Variants in AEN observed in about 807,000 individuals in gnomAD.
AEN encodes apoptosis enhancing nuclease, also known as apoptosis-enhancing nuclease.
Under a neutral mutation model 17.7 loss-of-function variants are expected in AEN, and 21 were observed. That is an observed-to-expected ratio of 1.19 (90% CI 0.84 to 1.71). The LOEUF is 1.71. Ranked by LOEUF, AEN falls within the 40% of genes most tolerant of loss-of-function variation. AEN has a pLI of 0.00. For missense variants in AEN, 462 were observed against 435.9 expected (o/e 1.06, Z -0.53); for synonymous variants, 190 against 173.0 (o/e 1.10, Z -0.77).
Position 88,632,237 on chromosome 15 carries a change from G to A in AEN, c.*1943G>A, listed in dbSNP as rs1330019686. Reference sequence around the variant, plus strand: ...AAATGTACTATTTAAGATCAGCTTTGTTGTAAAACCATTTGTTCTAGAATA... The same window carrying A: ...AAATGTACTATTTAAGATCAGCTTTATTGTAAAACCATTTGTTCTAGAATA... On this transcript the variant is annotated 3_prime_UTR_variant, in exon 4 of 4. Transcript: ENST00000332810. The A allele has an allele frequency of 6.6e-6, 1 of 151,908 alleles. No homozygotes were observed. Among genetic ancestry groups the A allele is most frequent in the Non-Finnish European group, 1.5e-5 (1 of 68,032 alleles). The allele number at this position is 151,908 out of a possible 1,614,324, so 9.4% of individuals were successfully genotyped here. A position where few individuals can be genotyped will look rare whatever the true frequency, so the allele number is the denominator to read the frequency against.
chr15:88,608,039 A>T, the AEN span: 4 of 481,916 alleles, frequency 8.3e-6, no homozygotes, highest in Admixed American at 4.2e-5. Context: ...TTTAATTATT[A>T]TTCACTTTCT....
chr15:88,624,029 C>G (rs2057819895), intron 1 of AEN, among the ~76,000 whole-genome samples: 2 of 152,258 alleles, frequency 1.3e-5, no homozygotes, highest in Admixed American at 1.3e-4. Flanking sequence ...TACATGCACA[C>G]AGATGTAGCC....
chr15:88,612,496 C>G, the AEN span, among the ~76,000 whole-genome samples: 1 of 152,158 alleles, frequency 6.6e-6, no homozygotes, highest in African/African-American at 2.4e-5. Context: ...GAAAAAAGCC[C>G]AGTGCTTGGG....
At chr15:88,615,617 G>A in the AEN span, among the ~76,000 whole-genome samples, 270 of 152,182 alleles carry the variant, frequency 1.8e-3, 1 homozygote, top group African/African-American at 6.1e-3. Flanking sequence ...AAAATGCTGG[G>A]CCCCACCCCC....
rs2057934515 is a variant in AEN at position 88,631,944 on chromosome 15, AGACACTGCT to A, written c.*1653_*1661del. On this transcript the variant is annotated 3_prime_UTR_variant, in exon 4 of 4. Transcript: ENST00000332810. The stretch of plus-strand genomic sequence containing the variant: ...AGCAGCGCAGGGGTCAGGGAGGTAC[AGACACTGCT>A]GAAATCACACTACCCCACCCTCAGC... 1 of 152,314 alleles carries A rather than the reference AGACACTGCT, an allele frequency of 6.6e-6. No homozygotes were observed. Among genetic ancestry groups the A allele is most frequent in the Non-Finnish European group, 1.5e-5 (1 of 68,134 alleles). The allele number at this position is 152,314 out of a possible 1,614,324, so 9.4% of individuals were successfully genotyped here. A position where few individuals can be genotyped will look rare whatever the true frequency, so the allele number is the denominator to read the frequency against.
the AEN span, among the ~76,000 whole-genome samples, chr15:88,609,508 A>G: frequency 6.6e-6 from 1 of 152,166 alleles, no homozygotes; most frequent in Non-Finnish European, 1.5e-5. Flanking sequence ...ATCATCCATT[A>G]CTGTCATGAG....
chr15:88,617,006 T>A (rs182918601), upstream of AEN, among the ~76,000 whole-genome samples: 2 of 152,258 alleles, frequency 1.3e-5, no homozygotes, highest in Non-Finnish European at 2.9e-5. Flanking sequence ...CATCTGTTAA[T>A]ATGGACATCT....
At position 88,627,002 on chromosome 15, in the gene AEN, T is replaced by C. The variant is rs1354107991; in HGVS notation, c.540+253T>C. 1.7e-5 allele frequency: 8 copies of C among 477,116 alleles called. No individual in the cohort carries two copies. The East Asian group carries it at 2.8e-4, about 17-fold the overall frequency. 29.6% of individuals were successfully genotyped at this position (477,116 alleles called of 1,614,324 possible). ...GCTACACCAACTGTAAGGTGATAAATAGCTTACATTTTAGAGTTTGCTTTC... is the reference window on the plus strand; with the variant it reads ...GCTACACCAACTGTAAGGTGATAAACAGCTTACATTTTAGAGTTTGCTTTC... On this transcript the variant is annotated intron_variant, in intron 2 of 3. Transcript: ENST00000332810.
chr15:88,625,106 G>A (rs949387831), intron 1 of AEN, among the ~76,000 whole-genome samples: 2 of 152,182 alleles, frequency 1.3e-5, no homozygotes, highest in South Asian at 2.1e-4. Context: ...ATTCAGTGAC[G>A]AGGGCTTAAA....
In AEN at chr15:88,630,461, A is replaced by G. The variant is rs1222998872; in HGVS notation, c.*167A>G. Reference sequence around the variant, plus strand: ...TGTTACCTTGACACCCTCTGCACACAGCATAGCCCTCTCTCTCTCCAGGGC... The same window carrying G: ...TGTTACCTTGACACCCTCTGCACACGGCATAGCCCTCTCTCTCTCCAGGGC... On this transcript the variant is annotated 3_prime_UTR_variant, in exon 4 of 4. Transcript: ENST00000332810. The surrounding 1 kb of genome is among the most constrained non-coding windows in gnomAD (Gnocchi z 5.1). The G allele has an allele frequency of 3.2e-6, 2 of 630,498 alleles. No homozygotes were observed. The highest frequency in any genetic ancestry group is 3.7e-5 in the African/African-American group (2 of 54,372). The allele number at this position is 630,498 out of a possible 1,614,324, so 39.1% of individuals were successfully genotyped here.
chr15:88,630,378 G>T lies in AEN; in HGVS notation c.*84G>T. The T allele has an allele frequency of 7.7e-7, 1 of 1,304,568 alleles. No individual in the cohort carries two copies. Among genetic ancestry groups the T allele is most frequent in the Non-Finnish European group, 1.1e-6 (1 of 938,048 alleles). The allele number at this position is 1,304,568 out of a possible 1,614,324, so 80.8% of individuals were successfully genotyped here. A position where few individuals can be genotyped will look rare whatever the true frequency, so the allele number is the denominator to read the frequency against. ...GGAGAGCAGCGGGCACTCCTTCCTG[G>T]GCAGGGTGGGGCAGGATGCAGTGAG... On this transcript the variant is annotated 3_prime_UTR_variant, in exon 4 of 4. Coordinates refer to ENST00000332810, the MANE Select transcript of AEN (RefSeq NM_022767.4). This position sits in a 1 kb window ranked among gnomAD's most constrained non-coding sequence, Gnocchi z 5.1.
At chr15:88,607,299 C>G in the AEN span, among the ~76,000 whole-genome samples, 2 of 152,222 alleles carry the variant, frequency 1.3e-5, no homozygotes, top group African/African-American at 4.8e-5. Flanking sequence ...GCTTCTAATC[C>G]TCTGAGTTTT....
chr15:88,609,097 G>T, the AEN span, among the ~76,000 whole-genome samples: 1 of 152,036 alleles, frequency 6.6e-6, no homozygotes, highest in South Asian at 2.1e-4. Context: ...TTGGTTCTTG[G>T]CAGGAGGGGA....
At chr15:88,613,519 C>T in the AEN span, among the ~76,000 whole-genome samples, 1 of 151,730 alleles carries the variant, frequency 6.6e-6, no homozygotes, top group Non-Finnish European at 1.5e-5. Context: ...CCTGGGCAGC[C>T]CTCAGCCTCT....
At chr15:88,629,751 G>C (rs1043956282) in intron 3 of AEN, among the ~76,000 whole-genome samples, 1 of 152,204 alleles carries the variant, frequency 6.6e-6, no homozygotes, top group African/African-American at 2.4e-5. Context: ...AGCAGACATA[G>C]AGCCTTAGAT....
chr15:88,626,775 T>G (rs1475523362), intron 2 of AEN, 26 bp downstream of exon 2: 1 of 1,586,302 alleles, frequency 6.3e-7, no homozygotes. Flanking sequence ...GGGACTTGTT[T>G]GGGAGGTGTG....
chr15:88,606,168 G>T, the AEN span, among the ~76,000 whole-genome samples: 2 of 152,146 alleles, frequency 1.3e-5, no homozygotes, highest in Non-Finnish European at 2.9e-5. Context: ...CTGGTGTTCC[G>T]TGAAAAATCG....
At chr15:88,606,996 G>A in the AEN span, among the ~76,000 whole-genome samples, 2 of 152,040 alleles carry the variant, frequency 1.3e-5, no homozygotes, top group African/African-American at 4.8e-5. Context: ...TGGATGTACA[G>A]GAGGGAGACA....
At chr15:88,629,177 A>T (rs773702978) in intron 2 of AEN, 49 bp from the exon 3 acceptor site, 2 of 1,593,948 alleles carry the variant, frequency 1.3e-6, no homozygotes, top group African/African-American at 2.7e-5. Context: ...TCTCCTGCCA[A>T]CCTGATGGGG....
Sources: gnomAD v4.1 joint callset for allele counts (sites outside exome capture counted in the v4.1 genomes callset) on GRCh38, gnomAD v4.1.1 for gene constraint, Gnocchi (gnomAD v3.1) non-coding constraint, MANE v1.5 for transcripts, NCBI Gene and HGNC (gene_info 2026-07-23, HGNC 2026-07-21) for gene names.